Variants in TOR1AIP1 observed in about 807,000 individuals in gnomAD.
The protein encoded by TOR1AIP1 is torsin 1A interacting protein 1.
In TOR1AIP1, 54 loss-of-function variants were observed where a neutral mutation model predicts 63.3. The ratio of observed to expected loss-of-function variants is 0.85; its 90% confidence interval spans 0.69 to 1.07. The LOEUF (loss-of-function observed/expected upper bound fraction) is 1.07. Ranked by LOEUF, TOR1AIP1 falls within the 50% of genes least tolerant of loss-of-function variation. TOR1AIP1 has a pLI of 0.00. For missense variants in TOR1AIP1, 736 were observed against 715.0 expected (o/e 1.03, Z -0.33); for synonymous variants, 294 against 273.5 (o/e 1.07, Z -0.74).
Position 179,882,888 on chromosome 1 carries a change from G to T in TOR1AIP1, c.386G>T (p.Arg129Leu), listed in dbSNP as rs749223862. The T allele has an allele frequency of 3.7e-6, 6 of 1,614,106 alleles. No homozygotes were observed. In the Admixed American group the frequency reaches 6.7e-5, roughly 18 times the overall value. Residue 129 changes from arginine to leucine, a missense_variant, in exon 1 of 10, where the codon CGC becomes CTC. Around this residue, in one of 2 missense-constraint regions of TOR1AIP1, gnomAD observed 464 missense variants for 371.0 expected, o/e 1.25. Transcript: ENST00000606911. ...TEEMKTRRTT[R>L]LQQQHSEQPP... is the part of the protein sequence containing the mutation. ...GAAATGAAGACGCGAAGGACTACCC[G>T]CCTTCAGCAGCAGCACTCAGAGCAG...
chr1:179,885,862 T>A (rs1039870385), intron 2 of TOR1AIP1, among the ~76,000 whole-genome samples: 5 of 152,124 alleles, frequency 3.3e-5, no homozygotes, highest in African/African-American at 1.2e-4. Context: ...TGCCATAGCC[T>A]CCTGAGTAGC....
At chr1:179,904,070 G>T in intron 6 of TOR1AIP1, 48 bp downstream of exon 6, 1 of 1,379,290 alleles carries the variant, frequency 7.3e-7, no homozygotes, top group South Asian at 1.3e-5. Flanking sequence ...TTGGTCAAAT[G>T]ATGTTCCTAT....
chr1:179,917,400 T>A, intron 9 of TOR1AIP1, 52 bp from the exon 10 acceptor site: 1 of 1,489,858 alleles, frequency 6.7e-7, no homozygotes, highest in East Asian at 2.3e-5. Flanking sequence ...CACTTGCCCC[T>A]GAATCTAAGA....
intron 6 of TOR1AIP1, among the ~76,000 whole-genome samples, chr1:179,906,743 C>T (rs200432632): frequency 0.03 from 1,188 of 39,652 alleles, 17 homozygotes; most frequent in South Asian, 0.073. Context: ...CCCCCCCCCC[C>T]TTTTTTTTTT....
chr1:179,904,201 C>G (rs1311486804), intron 6 of TOR1AIP1, among the ~76,000 whole-genome samples, 179 bp downstream of exon 6: 1 of 152,180 alleles, frequency 6.6e-6, no homozygotes, highest in East Asian at 1.9e-4. Context: ...TTATTATTCT[C>G]TATACCCAAA....
intron 3 of TOR1AIP1, 22 bp from the exon 4 acceptor site, chr1:179,900,104 G>T: frequency 6.3e-7 from 1 of 1,588,986 alleles, no homozygotes; most frequent in South Asian, 1.1e-5. Flanking sequence ...TTTAATATTT[G>T]ATGTATGCTT....
At chr1:179,906,340 A>G (rs1648632803) in intron 6 of TOR1AIP1, among the ~76,000 whole-genome samples, 2 of 152,212 alleles carry the variant, frequency 1.3e-5, no homozygotes, top group African/African-American at 2.4e-5. Context: ...TAAATTAAGC[A>G]TTTCTAGAAT....
chr1:179,914,170 T>A, intron 9 of TOR1AIP1, 116 bp downstream of exon 9: 2 of 916,364 alleles, frequency 2.2e-6, no homozygotes, highest in Non-Finnish European at 3.4e-6. Context: ...AATCACATTT[T>A]AAGCACTTGA....
chr1:179,891,263 C>A (rs574177184), intron 3 of TOR1AIP1, among the ~76,000 whole-genome samples: 2 of 152,178 alleles, frequency 1.3e-5, no homozygotes. Flanking sequence ...GCTCTGTCAC[C>A]CAGGCTGTAG....
rs1186426140 is a variant in TOR1AIP1, at chr1:179,920,043, T to A, written c.*1804T>A. 2.0e-5 allele frequency: 3 copies of A among 152,250 alleles called. No homozygotes were observed. Among genetic ancestry groups the A allele is most frequent in the African/African-American group, 7.2e-5 (3 of 41,474 alleles). The allele number at this position is 152,250 out of a possible 1,614,324, so 9.4% of individuals were successfully genotyped here. On this transcript the variant is annotated 3_prime_UTR_variant, in exon 10 of 10. Transcript: ENST00000606911. ...ATGACTTTAAAAGCTATTTTAGTAATTTAAATAAATTTACTTTCTTGGTTT... is the reference window on the plus strand; with the variant it reads ...ATGACTTTAAAAGCTATTTTAGTAAATTAAATAAATTTACTTTCTTGGTTT...
chr1:179,897,374 A>C (rs1439413001), intron 3 of TOR1AIP1, among the ~76,000 whole-genome samples: 1 of 152,224 alleles, frequency 6.6e-6, no homozygotes, highest in East Asian at 1.9e-4. Flanking sequence ...ATTTTAGGCA[A>C]CTTGGTATAT....
chr1:179,900,984 C>G (rs1648437470), intron 4 of TOR1AIP1, among the ~76,000 whole-genome samples: 1 of 152,118 alleles, frequency 6.6e-6, no homozygotes, highest in African/African-American at 2.4e-5. Flanking sequence ...AGTTTTCCTC[C>G]CCATAAACTT....
At chr1:179,891,539 ATTTTTAT>A (rs1466263327) in intron 3 of TOR1AIP1, among the ~76,000 whole-genome samples, 1 of 141,412 alleles carries the variant, frequency 7.1e-6, no homozygotes, top group African/African-American at 2.5e-5. Flanking sequence ...CTTGATTTTT[ATTTTTAT>A]TTTTTATTTT....
At chr1:179,887,165 C>T (rs1647931911) in intron 2 of TOR1AIP1, among the ~76,000 whole-genome samples, 1 of 152,096 alleles carries the variant, frequency 6.6e-6, no homozygotes, top group Non-Finnish European at 1.5e-5. Context: ...TTTGGGAGGC[C>T]AAGGTGGGCA....
chr1:179,883,132 A>G (rs1485135136), intron 1 of TOR1AIP1, 155 bp downstream of exon 1: 11 of 711,176 alleles, frequency 1.5e-5, no homozygotes, highest in South Asian at 3.8e-5. Context: ...CCGCCGTGCA[A>G]GGGCCACCCT....
At chr1:179,916,811 C>G (rs907386805) in intron 9 of TOR1AIP1, among the ~76,000 whole-genome samples, 2 of 136,740 alleles carry the variant, frequency 1.5e-5, no homozygotes, top group Non-Finnish European at 3.0e-5. Flanking sequence ...TCAAGTGATT[C>G]TCCTGCCTCA....
rs2148468456 is a variant in TOR1AIP1 at position 179,882,579 on chromosome 1, G to C, written c.77G>C (p.Arg26Pro). The part of the protein sequence containing the change: ...GVYVTPRAPI[R>P]EGRGRLAPQN... ...TACGTCACCCCCAGGGCCCCCATCCGAGAGGGAAGGGGCCGGCTCGCCCCT... is the reference window on the plus strand; with the variant it reads ...TACGTCACCCCCAGGGCCCCCATCCCAGAGGGAAGGGGCCGGCTCGCCCCT... Residue 26 changes from arginine (R) to proline (P), a missense_variant, in exon 1 of 10, where the codon CGA becomes CCA. By Grantham distance (103) the Arg-to-Pro change is moderately radical (BLOSUM62 -2). This residue lies in a region of TOR1AIP1 where 464 missense variants were observed against 371.0 expected (regional missense o/e 1.25). Transcript: ENST00000606911. 3 of 1,519,722 alleles carry C rather than the reference G, an allele frequency of 2.0e-6. No homozygotes were observed. The highest frequency in any genetic ancestry group is 2.6e-6 in the Non-Finnish European group (3 of 1,137,290). 94.1% of individuals were successfully genotyped at this position (1,519,722 alleles called of 1,614,324 possible).
chr1:179,911,268 A>G (rs1229135236), intron 8 of TOR1AIP1, among the ~76,000 whole-genome samples: 1 of 152,262 alleles, frequency 6.6e-6, no homozygotes, highest in African/African-American at 2.4e-5. Context: ...TTCCTCTTCA[A>G]GAATATTAAA....
intron 1 of TOR1AIP1, chr1:179,883,900 G>A (rs1315695318): frequency 6.7e-6 from 2 of 297,112 alleles, no homozygotes; most frequent in Non-Finnish European, 1.4e-5. Context: ...GCACCTGTGA[G>A]GTAAAAATCA....
Sources: allele counts gnomAD v4.1 joint callset (sites outside exome capture counted in the v4.1 genomes callset), GRCh38; gene constraint gnomAD v4.1.1; regional missense constraint gnomAD v4.1.1; transcripts MANE v1.5; gene names NCBI Gene and HGNC (gene_info 2026-07-23, HGNC 2026-07-21).